OLFM3: variants seen among roughly 807,000 people sequenced by gnomAD.
The protein encoded by OLFM3 is olfactomedin 3, also known as noelin-3.
A neutral mutation model predicts 48.6 loss-of-function variants in OLFM3; 20 were observed. That is an observed-to-expected ratio of 0.41 (90% CI 0.29 to 0.60). OLFM3 has a LOEUF of 0.60. Ranked by LOEUF, OLFM3 falls within the 20% of genes least tolerant of loss-of-function variation. The pLI is 0.28. For missense variants in OLFM3, 437 were observed against 544.3 expected, an observed-to-expected ratio of 0.80 and a Z score of 1.96; for synonymous variants, 222 against 198.1, an observed-to-expected ratio of 1.12 and a Z score of -1.01.
intron 1 of OLFM3, among the ~76,000 whole-genome samples, chr1:101,844,817 C>CA (rs150967211): frequency 0.011 from 1,628 of 148,146 alleles, 34 homozygotes; most frequent in African/African-American, 0.037. Flanking sequence ...ATTTAATTTG[C>CA]AAAAAAAAAA....
intron 4 of OLFM3, among the ~76,000 whole-genome samples, chr1:101,809,546 G>A (rs933515852): frequency 1.3e-5 from 2 of 151,904 alleles, no homozygotes; most frequent in Non-Finnish European, 2.9e-5. Context: ...ATATATTGCA[G>A]TGAGTACACC....
intron 4 of OLFM3, among the ~76,000 whole-genome samples, chr1:101,819,073 A>G (rs1487460264): frequency 6.6e-6 from 1 of 152,158 alleles, no homozygotes; most frequent in East Asian, 1.9e-4. Context: ...ACTAAGTGTC[A>G]TGGGAGAGTA....
rs72990029 is a variant in OLFM3, at chr1:101,931,310, G to A, written c.69+65438C>T. Reference sequence around the variant, plus strand: ...TCATATAAATTAATCCTCTCAAAGGGGAGAAATCTATCTTGTACTTTCTCA... The same window carrying A: ...TCATATAAATTAATCCTCTCAAAGGAGAGAAATCTATCTTGTACTTTCTCA... On this transcript the variant is annotated intron_variant, in intron 1 of 5. Coordinates refer to ENST00000370103, the MANE Select transcript of OLFM3 (RefSeq NM_058170.4). Among the ~76,000 whole-genome samples the A allele has an allele frequency of 3.3e-3, 496 of 152,158 alleles. 2 individuals carry two copies. The highest frequency in any genetic ancestry group is 0.011 in the African/African-American group (458 of 41,502).
At chr1:101,846,123 C>T (rs1426811029) in intron 1 of OLFM3, among the ~76,000 whole-genome samples, 1 of 152,102 alleles carries the variant, frequency 6.6e-6, no homozygotes, top group Non-Finnish European at 1.5e-5. Flanking sequence ...GCTCACTGAA[C>T]CTTGCTTCAA....
In OLFM3 at chr1:101,803,042, GT is replaced by G. The variant is rs1023073475; in HGVS notation, c.*1195del. ...TTTTTCCATTTTGTTTTCTGAATTGGTTATTTACACTTTTGAAACCACAAAG... is the reference window on the plus strand; with the variant it reads ...TTTTTCCATTTTGTTTTCTGAATTGGTATTTACACTTTTGAAACCACAAAG... On this transcript the variant is annotated 3_prime_UTR_variant, in exon 6 of 6. Transcript: ENST00000370103. 6.6e-6 allele frequency: 1 copy of G among 151,790 alleles called. No individual in the cohort carries two copies. The highest frequency in any genetic ancestry group is 2.4e-5 in the African/African-American group (1 of 41,314). The allele number at this position is 151,790 out of a possible 1,614,324, so 9.4% of individuals were successfully genotyped here.
At chr1:101,939,262 T>C (rs1474331386) in intron 1 of OLFM3, among the ~76,000 whole-genome samples, 1 of 152,196 alleles carries the variant, frequency 6.6e-6, no homozygotes, top group Non-Finnish European at 1.5e-5. Flanking sequence ...ACTTCTTTGG[T>C]AACTAAACTT....
chr1:101,910,058 C>CCTGCTTTCCTCCTT lies in OLFM3; in HGVS notation c.70-73047_70-73034dup, dbSNP rs1419712320. 1.2e-3 allele frequency: 1,216 copies of CCTGCTTTCCTCCTT among 985,418 alleles called. 1 individual carries two copies. The highest frequency in any genetic ancestry group is 1.4e-3 in the Non-Finnish European group (1,155 of 829,788). 61.0% of individuals were successfully genotyped at this position (985,418 alleles called of 1,614,324 possible). A position where few individuals can be genotyped will look rare whatever the true frequency, so the allele number is the denominator to read the frequency against. On this transcript the variant is annotated intron_variant, in intron 1 of 5. Coordinates refer to ENST00000370103, the MANE Select transcript of OLFM3 (RefSeq NM_058170.4). ...CACCTTTCCCCTCCATTCTCCTCCT[C>CCTGCTTTCCTCCTT]CTGCTTTCCTCCTTCTGCTTCTTCA... is the stretch of plus-strand genomic sequence containing the variant.
intron 4 of OLFM3, among the ~76,000 whole-genome samples, chr1:101,810,010 C>A (rs1653971732): frequency 2.0e-5 from 3 of 151,806 alleles, no homozygotes; most frequent in Admixed American, 1.3e-4. Flanking sequence ...ATGTTTCCAA[C>A]CATGACAACA....
intron 1 of OLFM3, among the ~76,000 whole-genome samples, chr1:101,922,380 C>A (rs1659125624): frequency 1.3e-5 from 2 of 152,146 alleles, no homozygotes; most frequent in African/African-American, 4.8e-5. Context: ...CCAACCTGTG[C>A]TTTGAACACC....
intron 1 of OLFM3, among the ~76,000 whole-genome samples, chr1:101,876,700 C>CT (rs1354179951): frequency 6.6e-6 from 1 of 151,758 alleles, no homozygotes; most frequent in African/African-American, 2.4e-5. Context: ...GCTTATTAAG[C>CT]TTTTTTATAC....
chr1:101,981,987 T>C (rs996210438), intron 1 of OLFM3, among the ~76,000 whole-genome samples: 1 of 152,088 alleles, frequency 6.6e-6, no homozygotes, highest in Admixed American at 6.6e-5. Context: ...TAGCCCAAGA[T>C]GAATAAACAT....
At chr1:101,817,406 T>A (rs1271889557) in intron 4 of OLFM3, among the ~76,000 whole-genome samples, 2 of 152,174 alleles carry the variant, frequency 1.3e-5, no homozygotes. Flanking sequence ...GAAATATACA[T>A]CTTACCAAAT....
chr1:101,909,104 C>T (rs923713426), intron 1 of OLFM3, among the ~76,000 whole-genome samples: 1 of 152,190 alleles, frequency 6.6e-6, no homozygotes, highest in Non-Finnish European at 1.5e-5. Context: ...CCTGTCTCCA[C>T]TCAGTTATAC....
intron 1 of OLFM3, among the ~76,000 whole-genome samples, chr1:101,872,329 G>A (rs1342104107): frequency 6.6e-6 from 1 of 152,004 alleles, no homozygotes; most frequent in Admixed American, 6.6e-5. Flanking sequence ...ATCTGGTAAA[G>A]TTAGGTGGCT....
intron 4 of OLFM3, among the ~76,000 whole-genome samples, chr1:101,820,553 G>A (rs188016351): frequency 6.6e-6 from 1 of 152,122 alleles, no homozygotes; most frequent in East Asian, 1.9e-4. Flanking sequence ...GGACATTACT[G>A]TACCTCATTC....
At chr1:101,809,296 T>C (rs1407861237) in intron 4 of OLFM3, among the ~76,000 whole-genome samples, 1 of 151,806 alleles carries the variant, frequency 6.6e-6, no homozygotes, top group African/African-American at 2.4e-5. Context: ...TGTTAGAAGA[T>C]TAAGAGTAAA....
intron 3 of OLFM3, among the ~76,000 whole-genome samples, chr1:101,827,057 C>A (rs1406586728): frequency 1.3e-5 from 2 of 152,186 alleles, no homozygotes; most frequent in Non-Finnish European, 2.9e-5. Flanking sequence ...GGAAAGTCCA[C>A]CCAATGCTCA....
intron 1 of OLFM3, among the ~76,000 whole-genome samples, chr1:101,891,981 C>T (rs2211297): frequency 0.54 from 82,541 of 151,704 alleles, 22,697 homozygotes; most frequent in East Asian, 0.59. Context: ...AGGTACACTA[C>T]GGATTGTAGA....
intron 1 of OLFM3, among the ~76,000 whole-genome samples, chr1:101,846,047 T>A (rs1221936235): frequency 6.6e-6 from 1 of 152,252 alleles, no homozygotes; most frequent in Admixed American, 6.5e-5. Flanking sequence ...TCCTTTTATT[T>A]GAATTTGTAA....
Sources: gnomAD v4.1 joint callset for allele counts (sites outside exome capture counted in the v4.1 genomes callset) on GRCh38, gnomAD v4.1.1 for gene constraint, MANE v1.5 for transcripts, NCBI Gene and HGNC (gene_info 2026-07-23, HGNC 2026-07-21) for gene names.